TNIK: variants seen among roughly 807,000 people sequenced by gnomAD.
TNIK encodes TRAF2 and NCK interacting kinase.
In TNIK, 49 loss-of-function variants were observed where a neutral mutation model predicts 191.3. That is an observed-to-expected ratio of 0.26 (90% confidence interval 0.20 to 0.32). The LOEUF (loss-of-function observed/expected upper bound fraction) is 0.32. TNIK is among the 10% of genes least tolerant of loss of function. The pLI is 1.00. For missense variants in TNIK, 1,155 were observed against 1,702.3 expected (o/e 0.68, Z 5.66); for synonymous variants, 594 against 600.9 (o/e 0.99, Z 0.17).
At chr3:171,324,339 T>C (rs1755512135) in intron 2 of TNIK, among the ~76,000 whole-genome samples, 1 of 152,150 alleles carries the variant, frequency 6.6e-6, no homozygotes, top group Non-Finnish European at 1.5e-5. Context: ...TTCCTTGGTA[T>C]CCGATGTTCC....
At chr3:171,266,346 TA>T (rs533350901) in intron 2 of TNIK, among the ~76,000 whole-genome samples, 1 of 151,982 alleles carries the variant, frequency 6.6e-6, no homozygotes, top group African/African-American at 2.4e-5. Flanking sequence ...TTATTTTAAA[TA>T]AAAAAAGCCT....
At chr3:171,378,688 G>A (rs891870037) in intron 1 of TNIK, among the ~76,000 whole-genome samples, 5 of 152,148 alleles carry the variant, frequency 3.3e-5, no homozygotes, top group African/African-American at 1.2e-4. Flanking sequence ...CAGCCACAAT[G>A]CGGTAAGGTC....
chr3:171,271,981 T>C (rs1342801348), intron 2 of TNIK, among the ~76,000 whole-genome samples: 1 of 152,182 alleles, frequency 6.6e-6, no homozygotes. Context: ...ACCCAAAACA[T>C]TTGTTAAACT....
chr3:171,226,393 C>G (rs768315449), intron 3 of TNIK, among the ~76,000 whole-genome samples: 1 of 152,108 alleles, frequency 6.6e-6, no homozygotes, highest in Non-Finnish European at 1.5e-5. Context: ...GCAACCTTAA[C>G]TGTGGAGGCC....
intron 1 of TNIK, among the ~76,000 whole-genome samples, chr3:171,394,070 C>T (rs1047631328): frequency 6.6e-6 from 1 of 152,174 alleles, no homozygotes; most frequent in African/African-American, 2.4e-5. Flanking sequence ...GCCATCTTTT[C>T]CCTTGAACTT....
At chr3:171,365,132 TCAAAAGGACTACA>T (rs1015490937) in intron 2 of TNIK, among the ~76,000 whole-genome samples, 25 of 129,744 alleles carry the variant, frequency 1.9e-4, no homozygotes, top group South Asian at 5.5e-4. Context: ...TCTTCAAATA[TCAAAAGGACTACA>T]CAAAAGGACT....
intron 5 of TNIK, among the ~76,000 whole-genome samples, chr3:171,193,380 T>C (rs1220294229): frequency 1.3e-5 from 2 of 152,256 alleles, no homozygotes; most frequent in African/African-American, 4.8e-5. Flanking sequence ...GGAAGTTCAA[T>C]GAAACCATGG....
chr3:171,225,728 T>G lies in TNIK; in HGVS notation c.180+2437A>C, dbSNP rs1274388772. The G allele has an allele frequency of 1.4e-5, 6 of 418,924 alleles. No homozygotes were observed. In the East Asian group the frequency reaches 4.3e-4, roughly 30 times the overall value. The allele number at this position is 418,924 out of a possible 1,614,324, so 26.0% of individuals were successfully genotyped here. On this transcript the variant is annotated intron_variant, in intron 3 of 32. Coordinates refer to ENST00000436636, the MANE Select transcript of TNIK (RefSeq NM_015028.4). ...CTAGCAATAGTGGTTCTTGAGTAGT[T>G]TCTGGTTCTACTTGTGAGGCTTTAA...
chr3:171,162,493 C>T (rs973734158), intron 10 of TNIK, among the ~76,000 whole-genome samples: 1 of 152,186 alleles, frequency 6.6e-6, no homozygotes, highest in African/African-American at 2.4e-5. Flanking sequence ...CCACTAGGGA[C>T]AGTCCTTTAA....
intron 2 of TNIK, among the ~76,000 whole-genome samples, chr3:171,330,966 C>T (rs942087598): frequency 6.6e-6 from 1 of 152,168 alleles, no homozygotes; most frequent in Non-Finnish European, 1.5e-5. Context: ...GGATGGTCCT[C>T]CCACAAAATA....
At chr3:171,118,044 C>T (rs994326054) in intron 18 of TNIK, among the ~76,000 whole-genome samples, 14 of 152,114 alleles carry the variant, frequency 9.2e-5, no homozygotes, top group Non-Finnish European at 1.8e-4. Context: ...TAGAAAGCCC[C>T]ATCGTCTCAG....
chr3:171,414,652 T>C (rs1230197670), intron 1 of TNIK, among the ~76,000 whole-genome samples: 1 of 152,158 alleles, frequency 6.6e-6, no homozygotes, highest in African/African-American at 2.4e-5. Flanking sequence ...ATCTTCCAAC[T>C]CCTACTTCAG....
intron 2 of TNIK, among the ~76,000 whole-genome samples, chr3:171,324,893 T>C (rs1755569774): frequency 6.6e-6 from 1 of 151,880 alleles, no homozygotes; most frequent in Admixed American, 6.6e-5. Context: ...GGTCAGGAGA[T>C]CGAGACCATC....
chr3:171,108,260 A>G (rs1001180048), intron 19 of TNIK, 98 bp from the exon 20 acceptor site: 1 of 923,094 alleles, frequency 1.1e-6, no homozygotes, highest in Non-Finnish European at 1.5e-6. Flanking sequence ...TCACATTGAG[A>G]TTACTCAGTG....
chr3:171,339,276 T>A (rs1169500449), intron 2 of TNIK, among the ~76,000 whole-genome samples: 1 of 152,222 alleles, frequency 6.6e-6, no homozygotes, highest in Non-Finnish European at 1.5e-5. Flanking sequence ...TTGTAGGCTC[T>A]ACTCTGAGAC....
intron 22 of TNIK, 118 bp from the exon 23 acceptor site, chr3:171,094,086 A>G: frequency 1.5e-6 from 2 of 1,294,504 alleles, no homozygotes; most frequent in Non-Finnish European, 2.0e-6. Context: ...AAAATTTACC[A>G]TTGTACCAAT....
chr3:171,451,962 A>C (rs1728223379), intron 1 of TNIK, among the ~76,000 whole-genome samples: 1 of 152,186 alleles, frequency 6.6e-6, no homozygotes, highest in African/African-American at 2.4e-5. Flanking sequence ...AATCAAACAA[A>C]TGTTTGTAAC....
At chr3:171,261,979 A>G (rs1257679022) in intron 2 of TNIK, among the ~76,000 whole-genome samples, 4 of 152,146 alleles carry the variant, frequency 2.6e-5, no homozygotes, top group African/African-American at 4.8e-5. Flanking sequence ...ACTAGGATCA[A>G]ATATGAATAC....
At chr3:171,235,686 T>C (rs2109017047) in intron 2 of TNIK, among the ~76,000 whole-genome samples, 1 of 152,286 alleles carries the variant, frequency 6.6e-6, no homozygotes, top group East Asian at 1.9e-4. Flanking sequence ...AAAATGCCCA[T>C]TAATGAAATG....
Sources: gnomAD v4.1 joint callset for allele counts (sites outside exome capture counted in the v4.1 genomes callset) on GRCh38, gnomAD v4.1.1 for gene constraint, MANE v1.5 for transcripts, NCBI Gene and HGNC (gene_info 2026-07-23, HGNC 2026-07-21) for gene names.